The following UBAC2 variants were observed in gnomAD, a reference collection of about 807,000 sequenced individuals.
UBAC2 encodes UBA domain containing 2.
A neutral mutation model predicts 44.0 loss-of-function variants in UBAC2; 26 were observed. The observed-to-expected ratio is 0.59, with a 90% CI of 0.43 to 0.82. The LOEUF is 0.82. UBAC2 is among the 40% of genes least tolerant of loss of function. The pLI, the probability that UBAC2 is intolerant of heterozygous loss-of-function variation, is 0.00. For missense variants in UBAC2, 329 were observed against 419.4 expected (o/e 0.78, Z 1.88); for synonymous variants, 155 against 154.3 (o/e 1.00, Z -0.04).
At chr13:99,265,729 G>A (rs2043735072) in intron 4 of UBAC2, among the ~76,000 whole-genome samples, 1 of 152,148 alleles carries the variant, frequency 6.6e-6, no homozygotes, top group Admixed American at 6.5e-5. Flanking sequence ...TGGTGTTTGT[G>A]TTTTTCTGTA....
At chr13:99,333,385 TG>T (rs2044744147) in intron 6 of UBAC2, among the ~76,000 whole-genome samples, 2 of 152,258 alleles carry the variant, frequency 1.3e-5, no homozygotes, top group Admixed American at 1.3e-4. Context: ...TTTTATCATA[TG>T]GGAAAGTATA....
rs773392323 is a variant in UBAC2, at chr13:99,238,512, G to T, written c.117G>T (p.Lys39Asn). Residue 39 changes from lysine to asparagine, a missense_variant, in exon 2 of 9, where the codon AAG becomes AAT. Coordinates refer to ENST00000403766, the MANE Select transcript of UBAC2 (RefSeq NM_001144072.2). ...CCCTCCTCCTGCCTCACTGCCAGAA[G>T]CTCTTTGTGTATGACCTTCACGCAG... The part of the protein sequence containing the change: ...LLALLLPHCQ[K>N]LFVYDLHAVK... The T allele has an allele frequency of 2.5e-6, 4 of 1,613,648 alleles. No individual in the cohort carries two copies. The South Asian group carries it at 4.4e-5, about 18-fold the overall frequency.
chr13:99,352,254 T>C (rs2045104642), intron 7 of UBAC2, among the ~76,000 whole-genome samples: 1 of 152,200 alleles, frequency 6.6e-6, no homozygotes, highest in Non-Finnish European at 1.5e-5. Context: ...CGGTGGTTTT[T>C]AGTATTTTTT....
At chr13:99,252,533 G>A (rs944268770) in intron 4 of UBAC2, among the ~76,000 whole-genome samples, 2 of 152,168 alleles carry the variant, frequency 1.3e-5, no homozygotes, top group Admixed American at 1.3e-4. Context: ...CTCAGAAAAT[G>A]TAACCATTAG....
chr13:99,204,330 G>C (rs1233654746), intron 1 of UBAC2, among the ~76,000 whole-genome samples: 1 of 152,142 alleles, frequency 6.6e-6, no homozygotes, highest in Non-Finnish European at 1.5e-5. Flanking sequence ...ACTTTTGAGA[G>C]TTTGGCAGGC....
At chr13:99,359,869 G>T (rs141680363) in intron 7 of UBAC2, among the ~76,000 whole-genome samples, 111 of 152,254 alleles carry the variant, frequency 7.3e-4, no homozygotes, top group African/African-American at 2.6e-3. Flanking sequence ...TCCCTGCATG[G>T]TGGCCTGCAG....
At chr13:99,278,628 A>G (rs1387564333) in intron 4 of UBAC2, among the ~76,000 whole-genome samples, 1 of 152,216 alleles carries the variant, frequency 6.6e-6, no homozygotes, top group African/African-American at 2.4e-5. Context: ...AAATAGGACT[A>G]CCTGGATCTC....
At chr13:99,298,019 AG>A (rs1407596939) in intron 4 of UBAC2, among the ~76,000 whole-genome samples, 6 of 152,164 alleles carry the variant, frequency 3.9e-5, no homozygotes, top group African/African-American at 1.4e-4. Flanking sequence ...AAGGTTAAAA[AG>A]AACAGTCTAC....
At chr13:99,288,482 G>T (rs1366169995) in intron 4 of UBAC2, among the ~76,000 whole-genome samples, 1 of 152,144 alleles carries the variant, frequency 6.6e-6, no homozygotes, top group Non-Finnish European at 1.5e-5. Context: ...TTATTGTATT[G>T]CCCTCTTAAA....
In UBAC2 at chr13:99,352,711, C is replaced by T. The variant is rs79648564; in HGVS notation, c.807+12146C>T. On this transcript the variant is annotated intron_variant, in intron 7 of 8. Coordinates refer to ENST00000403766, the MANE Select transcript of UBAC2 (RefSeq NM_001144072.2). ...CACGCAGTGCCAGGCTCTGGTGAGT[C>T]CCACAGTGACCAAGGCAGCACGATC... Among the ~76,000 whole-genome samples the T allele has an allele frequency of 2.3e-4, 35 of 152,326 alleles. No homozygotes were observed. The East Asian group carries it at 6.4e-3, about 28-fold the overall frequency.
At chr13:99,233,320 C>T (rs922295036) in intron 1 of UBAC2, among the ~76,000 whole-genome samples, 6 of 152,052 alleles carry the variant, frequency 3.9e-5, no homozygotes, top group Non-Finnish European at 5.9e-5. Context: ...ACTATGTTGG[C>T]CAGGCTGGTC....
At chr13:99,350,563 G>T (rs140436180) in intron 7 of UBAC2, among the ~76,000 whole-genome samples, 168 of 152,368 alleles carry the variant, frequency 1.1e-3, no homozygotes, top group African/African-American at 4.0e-3. Flanking sequence ...GGGTGCAGGG[G>T]GTGCCAGAGA....
chr13:99,252,130 C>T (rs2043465640), intron 4 of UBAC2, among the ~76,000 whole-genome samples: 1 of 152,254 alleles, frequency 6.6e-6, no homozygotes, highest in Non-Finnish European at 1.5e-5. Context: ...CCCAACTGGT[C>T]ATCCAGCTTT....
intron 2 of UBAC2, among the ~76,000 whole-genome samples, 192 bp downstream of exon 2, chr13:99,238,746 G>A (rs968735498): frequency 3.9e-5 from 6 of 152,046 alleles, no homozygotes; most frequent in Non-Finnish European, 7.4e-5. Context: ...TGAAGCAATG[G>A]CAGTATTTCC....
chr13:99,332,437 T>C (rs1489666412), intron 6 of UBAC2, among the ~76,000 whole-genome samples: 1 of 152,214 alleles, frequency 6.6e-6, no homozygotes, highest in African/African-American at 2.4e-5. Context: ...TGTTTATTAG[T>C]GGACTAAGAG....
chr13:99,296,570 C>G (rs916401535), intron 4 of UBAC2, among the ~76,000 whole-genome samples: 5 of 152,142 alleles, frequency 3.3e-5, no homozygotes, highest in Non-Finnish European at 7.4e-5. Context: ...TTAAGCTTTG[C>G]TTTTAAATTT....
chr13:99,246,465 G>A (rs898814256), intron 4 of UBAC2, among the ~76,000 whole-genome samples: 1 of 151,944 alleles, frequency 6.6e-6, no homozygotes, highest in South Asian at 2.1e-4. Flanking sequence ...TATCAGGCCA[G>A]TTCTTTTTGG....
chr13:99,212,038 C>T (rs2042942433), intron 1 of UBAC2, among the ~76,000 whole-genome samples: 1 of 152,204 alleles, frequency 6.6e-6, no homozygotes, highest in Non-Finnish European at 1.5e-5. Flanking sequence ...TCTTTTGTAG[C>T]AGTTAGTGCT....
At chr13:99,332,910 A>G (rs544275952) in intron 6 of UBAC2, among the ~76,000 whole-genome samples, 2 of 151,012 alleles carry the variant, frequency 1.3e-5, no homozygotes, top group East Asian at 1.9e-4. Context: ...CAGAGGGTCT[A>G]TGGATTTCAA....
Sources: allele counts gnomAD v4.1 joint callset (sites outside exome capture counted in the v4.1 genomes callset), GRCh38; gene constraint gnomAD v4.1.1; transcripts MANE v1.5; gene names NCBI Gene and HGNC (gene_info 2026-07-23, HGNC 2026-07-21).